The following SRI variants were observed in gnomAD, a reference collection of about 807,000 sequenced individuals.
SRI encodes sorcin, also known as 22 kDa protein.
In SRI, 30 loss-of-function variants were observed where a neutral mutation model predicts 33.3. That is an observed-to-expected ratio of 0.90 (90% confidence interval 0.67 to 1.22). SRI has a LOEUF of 1.22. Among genes scored for constraint, SRI ranks in the 50% most tolerant of loss-of-function variants. The probability of loss-of-function intolerance (pLI) is 0.00; values close to 1 mark genes in which losing one functional copy is unlikely to be tolerated. For synonymous variants in SRI, 75 were observed against 89.9 expected (o/e 0.83, Z 0.94); for missense variants, 243 against 250.8 (o/e 0.97, Z 0.21).
intron 7 of SRI, among the ~76,000 whole-genome samples, chr7:88,207,058 G>A (rs914694359): frequency 6.6e-6 from 1 of 151,916 alleles, no homozygotes; most frequent in Admixed American, 6.6e-5. Flanking sequence ...GTGAAATGTT[G>A]GCTTCCCCGC....
rs368027754 is a variant in SRI, at chr7:88,210,175, T to C, written c.250-45A>G. The C allele has an allele frequency of 8.1e-6, 13 of 1,606,146 alleles. No individual in the cohort carries two copies. The African/African-American group carries it at 1.7e-4, about 21-fold the overall frequency. ...TAGAGCTGTATTTTGCGATATTTTC[T>C]AAGGATTAAATGAAAGATCAAGGAT... On this transcript the variant is annotated intron_variant, in intron 4 of 7. Transcript: ENST00000265729.
chr7:88,219,401 G>A (rs2115806226), intron 1 of SRI: 1 of 200,590 alleles, frequency 5.0e-6, no homozygotes, highest in Non-Finnish European at 1.0e-5. Context: ...TGTATCTCGT[G>A]GGTGGCGAGG....
chr7:88,217,024 C>T (rs1022091516), intron 3 of SRI, 98 bp downstream of exon 3: 75 of 1,118,162 alleles, frequency 6.7e-5, no homozygotes, highest in Admixed American at 1.7e-4. Flanking sequence ...TTGCTAGATC[C>T]GACAAGCTCA....
intron 2 of SRI, 154 bp downstream of exon 2, chr7:88,218,705 A>G (rs778469616): frequency 3.0e-6 from 2 of 658,314 alleles, no homozygotes; most frequent in Non-Finnish European, 5.3e-6. Flanking sequence ...AACATTCAGA[A>G]ATAAAAAACT....
At chr7:88,206,601 G>A (rs893094502) in intron 7 of SRI, 97 bp from the exon 8 acceptor site, 41 of 1,382,866 alleles carry the variant, frequency 3.0e-5, no homozygotes, top group Middle Eastern at 3.6e-4. Flanking sequence ...ATTTGAACAC[G>A]GGTAAAACAA....
chr7:88,211,041 T>A, intron 3 of SRI, 116 bp from the exon 4 acceptor site: 1 of 846,818 alleles, frequency 1.2e-6, no homozygotes, highest in Non-Finnish European at 1.9e-6. Context: ...TTTTATATGC[T>A]ATCAATTTAC....
intron 1 of SRI, among the ~76,000 whole-genome samples, chr7:88,226,685 C>A (rs1852005449): frequency 6.6e-6 from 1 of 152,156 alleles, no homozygotes; most frequent in Admixed American, 6.5e-5. Flanking sequence ...TAAGATATCT[C>A]TTACTTTATA....
chr7:88,212,033 G>A (rs1032488837), intron 3 of SRI, among the ~76,000 whole-genome samples: 3 of 152,260 alleles, frequency 2.0e-5, no homozygotes, highest in Non-Finnish European at 4.4e-5. Context: ...AATGGCAGAA[G>A]TGACAAGGGT....
At chr7:88,219,055 G>A (rs1851810754) in intron 1 of SRI, 113 bp from the exon 2 acceptor site, 3 of 832,468 alleles carry the variant, frequency 3.6e-6, no homozygotes, top group Non-Finnish European at 6.0e-6. Flanking sequence ...CCCTTCACAA[G>A]GCTCACCTCC....
Position 88,206,174 on chromosome 7 carries a change from TAA to T in SRI, c.*302_*303del. ...TTAGTGTCTCACAATGAAAAATAAA[TAA>T]TGTGACTTAAACATTTTGCATACTT... On this transcript the variant is annotated 3_prime_UTR_variant, in exon 8 of 8. Coordinates refer to ENST00000265729, the MANE Select transcript of SRI (RefSeq NM_003130.4). The T allele has an allele frequency of 2.4e-6, 1 of 411,494 alleles. No individual in the cohort carries two copies. Among genetic ancestry groups the T allele is most frequent in the Non-Finnish European group, 4.5e-6 (1 of 223,772 alleles). 25.5% of individuals were successfully genotyped at this position (411,494 alleles called of 1,614,324 possible).
At chr7:88,217,835 T>C (rs545962077) in intron 2 of SRI, among the ~76,000 whole-genome samples, 1 of 152,290 alleles carries the variant, frequency 6.6e-6, no homozygotes, top group African/African-American at 2.4e-5. Context: ...GTCACTTACA[T>C]GCTGGAGGCA....
At chr7:88,218,092 A>G (rs6465132) in intron 2 of SRI, among the ~76,000 whole-genome samples, 121,478 of 152,200 alleles carry the variant, frequency 0.8, 49,799 homozygotes, top group African/African-American at 0.91. Context: ...GTCAAAACAA[A>G]ACTAGGTTGA....
At chr7:88,217,296 T>C in intron 2 of SRI, 105 bp from the exon 3 acceptor site, 1 of 992,162 alleles carries the variant, frequency 1.0e-6, no homozygotes, top group Non-Finnish European at 1.5e-6. Flanking sequence ...CAGTATCTTT[T>C]TTTTATTTAA....
intron 4 of SRI, 27 bp downstream of exon 4, chr7:88,210,855 C>A: frequency 6.2e-7 from 1 of 1,607,890 alleles, no homozygotes; most frequent in East Asian, 2.2e-5. Context: ...AAAAATTATT[C>A]TAGACAACAA....
At position 88,218,893 on chromosome 7, in the gene SRI, G is replaced by C. The variant is rs764700340; in HGVS notation, c.101C>G (p.Pro34Arg). The C allele has an allele frequency of 1.2e-6, 2 of 1,614,028 alleles. No individual in the cohort carries two copies. Among genetic ancestry groups the C allele is most frequent in the Non-Finnish European group, 1.7e-6 (2 of 1,179,974 alleles). The change falls in exon 2 of 8, where the codon CCG becomes CGG. Residue 34 changes from proline (P) to arginine (R), a missense_variant. Transcript: ENST00000265729. ...TACAGCAGCAAAGTAACCATACAGCGGATCCTGAGTTTGTCCGGGAAACGC... is the reference window on the plus strand; with the variant it reads ...TACAGCAGCAAAGTAACCATACAGCCGATCCTGAGTTTGTCCGGGAAACGC... ...GPAFPGQTQD[P>R]LYGYFAAVAG...
intron 3 of SRI, among the ~76,000 whole-genome samples, chr7:88,216,108 G>A (rs1015339734): frequency 6.6e-6 from 1 of 152,160 alleles, no homozygotes; most frequent in African/African-American, 2.4e-5. Flanking sequence ...CTCCTGAGTA[G>A]CTGGGACCAC....
chr7:88,213,392 A>C (rs778033041), intron 3 of SRI, among the ~76,000 whole-genome samples: 37 of 152,190 alleles, frequency 2.4e-4, no homozygotes, highest in Admixed American at 3.9e-4. Context: ...CACTATCTTC[A>C]TGGAGAATTT....
chr7:88,225,030 G>C (rs1851966053), upstream of SRI, among the ~76,000 whole-genome samples: 1 of 152,164 alleles, frequency 6.6e-6, no homozygotes, highest in South Asian at 2.1e-4. Flanking sequence ...GGAACTCAGA[G>C]AAAGCAAACT....
intron 4 of SRI, 121 bp from the exon 5 acceptor site, chr7:88,210,251 G>T: frequency 1.7e-6 from 2 of 1,184,122 alleles, no homozygotes; most frequent in Non-Finnish European, 2.5e-6. Flanking sequence ...GATTATTCTT[G>T]GTATGATGTA....
Sources: gnomAD v4.1 joint callset for allele counts (sites outside exome capture counted in the v4.1 genomes callset) on GRCh38, gnomAD v4.1.1 for gene constraint, MANE v1.5 for transcripts, NCBI Gene and HGNC (gene_info 2026-07-23, HGNC 2026-07-21) for gene names.